Variants in KIAA0586 observed in about 807,000 individuals in gnomAD.
KIAA0586 encodes the protein protein TALPID3.
A neutral mutation model predicts 169.8 loss-of-function variants in KIAA0586; 144 were observed. The ratio of observed to expected loss-of-function variants is 0.85; its 90% CI spans 0.74 to 0.97. The LOEUF is 0.97. KIAA0586 is among the 50% of genes least tolerant of loss of function. The pLI is 0.00. For synonymous variants in KIAA0586, 625 were observed against 612.4 expected (o/e 1.02, Z -0.30); for missense variants, 1,854 against 1,823.0 (o/e 1.02, Z -0.31).
At chr14:58,442,391 C>G (rs1008684683) in intron 4 of KIAA0586, among the ~76,000 whole-genome samples, 4 of 152,340 alleles carry the variant, frequency 2.6e-5, no homozygotes, top group African/African-American at 9.6e-5. Flanking sequence ...AGGCATAATC[C>G]CACCGTGCCA....
chr14:58,556,987 C>T, the KIAA0586 span, among the ~76,000 whole-genome samples: 3 of 152,098 alleles, frequency 2.0e-5, no homozygotes, highest in Non-Finnish European at 2.9e-5. Flanking sequence ...TCAGGTGATC[C>T]GCCCACCTTG....
intron 29 of KIAA0586, among the ~76,000 whole-genome samples, chr14:58,526,951 C>G (rs2045627803): frequency 6.6e-6 from 1 of 151,892 alleles, no homozygotes; most frequent in East Asian, 1.9e-4. Flanking sequence ...AAGCTAAGAA[C>G]CTTGAAAAAA....
upstream of KIAA0586, chr14:58,427,642 G>A: frequency 6.5e-7 from 1 of 1,535,686 alleles, no homozygotes; most frequent in Non-Finnish European, 8.7e-7. Context: ...TTTTGGGTGA[G>A]TTTCTTGGCG....
Position 58,427,755 on chromosome 14 carries a change from C to T in KIAA0586, c.-510C>T. Reference sequence around the variant, plus strand: ...ATTACACCCACGACGGTGCGGGTCTCGGGCGTTCTGGAGATACGTAGGGGT... The same window carrying T: ...ATTACACCCACGACGGTGCGGGTCTTGGGCGTTCTGGAGATACGTAGGGGT... On this transcript the variant is annotated 5_prime_UTR_variant, in exon 1 of 31. Coordinates refer to ENST00000652326, the MANE Select transcript of KIAA0586 (RefSeq NM_001329943.3). 2.6e-6 allele frequency: 4 copies of T among 1,532,430 alleles called. No homozygotes were observed. The highest frequency in any genetic ancestry group is 1.4e-5 in the African/African-American group (1 of 72,988). The allele number at this position is 1,532,430 out of a possible 1,614,324, so 94.9% of individuals were successfully genotyped here.
intron 30 of KIAA0586, 61 bp downstream of exon 30, chr14:58,540,197 A>T (rs2046554991): frequency 2.2e-6 from 2 of 905,318 alleles, no homozygotes; most frequent in Admixed American, 4.8e-5. Context: ...TCATTTCCTG[A>T]TGATTCTTTC....
At chr14:58,517,005 T>C (rs1441848876) in intron 29 of KIAA0586, among the ~76,000 whole-genome samples, 1 of 152,188 alleles carries the variant, frequency 6.6e-6, no homozygotes, top group Non-Finnish European at 1.5e-5. Context: ...AAATGGATCA[T>C]AGATCTAAAT....
At chr14:58,457,018 A>C (rs768616093) in intron 10 of KIAA0586, among the ~76,000 whole-genome samples, 2 of 152,220 alleles carry the variant, frequency 1.3e-5, no homozygotes, top group Non-Finnish European at 2.9e-5. Flanking sequence ...GGACTGAGCC[A>C]TATAGCCACC....
Position 58,551,207 on chromosome 14 carries a change from A to G in KIAA0586, c.*3275A>G, listed in dbSNP as rs1193038809. Reference sequence around the variant, plus strand: ...CTGTCTCAAAAATAAATAAATAAATAAATAAAATGTTCCTCTGTTTTAAAT... The same window carrying G: ...CTGTCTCAAAAATAAATAAATAAATGAATAAAATGTTCCTCTGTTTTAAAT... On this transcript the variant is annotated 3_prime_UTR_variant, in exon 31 of 31. Transcript: ENST00000652326. 1 of 152,038 alleles carries G rather than the reference A, an allele frequency of 6.6e-6. No individual in the cohort carries two copies. Among genetic ancestry groups the G allele is most frequent in the Non-Finnish European group, 1.5e-5 (1 of 68,018 alleles). The allele number at this position is 152,038 out of a possible 1,614,324, so 9.4% of individuals were successfully genotyped here. A position where few individuals can be genotyped will look rare whatever the true frequency, so the allele number is the denominator to read the frequency against.
At chr14:58,477,038 T>C (rs1468153152) in intron 19 of KIAA0586, 85 bp from the exon 20 acceptor site, 3 of 674,320 alleles carry the variant, frequency 4.4e-6, no homozygotes, top group South Asian at 1.9e-5. Flanking sequence ...GTAAAGGTTA[T>C]TTTTAGGGGT....
intron 30 of KIAA0586, 82 bp from the exon 31 acceptor site, chr14:58,547,699 C>A: frequency 2.6e-6 from 3 of 1,163,852 alleles, no homozygotes; most frequent in Non-Finnish European, 3.7e-6. Flanking sequence ...CCCACCCCAA[C>A]CTCATATTAT....
chr14:58,477,194 T>G lies in KIAA0586; in HGVS notation c.2897T>G (p.Ile966Ser). The G allele has an allele frequency of 6.3e-7, 1 of 1,580,796 alleles. No homozygotes were observed. The highest frequency in any genetic ancestry group is 8.6e-7 in the Non-Finnish European group (1 of 1,160,848). Reference protein sequence around the residue: ...FPVQQQIAPSISVSVSETSEP... With the variant: ...FPVQQQIAPSSSVSVSETSEP... The stretch of plus-strand genomic sequence containing the variant: ...GTCCAGCAACAGATTGCACCTAGTA[T>G]CAGTGTTTCAGTCAGTGAGACAAGT... The change falls in exon 20 of 31, where the codon ATC becomes AGC. Residue 966 changes from isoleucine (I) to serine (S), a missense_variant. By Grantham distance (142) the Ile-to-Ser change is moderately radical. Transcript: ENST00000652326.
chr14:58,528,157 T>C (rs944228668), intron 29 of KIAA0586, among the ~76,000 whole-genome samples: 11 of 152,154 alleles, frequency 7.2e-5, no homozygotes, highest in Non-Finnish European at 1.6e-4. Flanking sequence ...GAGCTAACTA[T>C]CCTAAATATA....
intron 30 of KIAA0586, among the ~76,000 whole-genome samples, chr14:58,546,061 T>C (rs1190680300): frequency 6.6e-6 from 1 of 152,074 alleles, no homozygotes; most frequent in Non-Finnish European, 1.5e-5. Flanking sequence ...AATACAGTCT[T>C]TAGTGTCTAT....
chr14:58,539,054 A>G (rs1391597816), intron 29 of KIAA0586, among the ~76,000 whole-genome samples: 1 of 152,226 alleles, frequency 6.6e-6, no homozygotes, highest in East Asian at 1.9e-4. Flanking sequence ...TGCTTGGATT[A>G]CAGGCATGAA....
At chr14:58,484,541 A>G (rs1355701791) in intron 21 of KIAA0586, among the ~76,000 whole-genome samples, 1 of 151,996 alleles carries the variant, frequency 6.6e-6, no homozygotes, top group Non-Finnish European at 1.5e-5. Flanking sequence ...TCAGTTACTA[A>G]TAGTTTATCA....
intron 29 of KIAA0586, among the ~76,000 whole-genome samples, chr14:58,538,985 G>T (rs987926557): frequency 1.5e-4 from 23 of 152,084 alleles, no homozygotes; most frequent in Admixed American, 8.5e-4. Context: ...TAGCCATTTT[G>T]CCCAGGCTGG....
chr14:58,547,181 C>G (rs1370948861), intron 30 of KIAA0586, among the ~76,000 whole-genome samples: 1 of 150,608 alleles, frequency 6.6e-6, no homozygotes, highest in African/African-American at 2.4e-5. Flanking sequence ...AGTTCTTGCT[C>G]TAACCACAAA....
intron 21 of KIAA0586, 32 bp downstream of exon 21, chr14:58,482,744 A>T: frequency 7.1e-7 from 1 of 1,406,126 alleles, no homozygotes; most frequent in Non-Finnish European, 9.7e-7. Context: ...TTTATTGAAG[A>T]ATAGTAAAAT....
At chr14:58,504,716 T>G (rs938964326) in intron 27 of KIAA0586, among the ~76,000 whole-genome samples, 5 of 152,188 alleles carry the variant, frequency 3.3e-5, no homozygotes, top group Admixed American at 6.5e-5. Flanking sequence ...ATTATACAGG[T>G]AAGACACCCA....
Sources: allele counts gnomAD v4.1 joint callset (sites outside exome capture counted in the v4.1 genomes callset), GRCh38; gene constraint gnomAD v4.1.1; transcripts MANE v1.5; gene names NCBI Gene and HGNC (gene_info 2026-07-23, HGNC 2026-07-21).